MLLT3: variants seen among roughly 807,000 people sequenced by gnomAD.
The protein encoded by MLLT3 is MLLT3 super elongation complex subunit.
A neutral mutation model predicts 53.2 loss-of-function variants in MLLT3; 4 were observed. The observed-to-expected ratio is 0.08, with a 90% CI of 0.04 to 0.17. The LOEUF (loss-of-function observed/expected upper bound fraction) is 0.17, where lower values mean the gene tolerates loss of function less well. MLLT3 is among the 10% of genes least tolerant of loss of function. MLLT3 has a pLI of 1.00. For missense variants in MLLT3, 569 were observed against 684.0 expected (o/e 0.83, Z 1.87); for synonymous variants, 283 against 230.6 (o/e 1.23, Z -2.06).
chr9:20,597,527 G>A (rs925743305), intron 2 of MLLT3, among the ~76,000 whole-genome samples: 8 of 152,074 alleles, frequency 5.3e-5, no homozygotes, highest in African/African-American at 1.9e-4. Flanking sequence ...AGCCTCAGAA[G>A]ACCATCTACT....
intron 2 of MLLT3, among the ~76,000 whole-genome samples, chr9:20,614,015 T>C: frequency 6.6e-6 from 1 of 152,180 alleles, no homozygotes; most frequent in Middle Eastern, 3.2e-3. Context: ...CCATATACAA[T>C]GTCATACCAG....
chr9:20,460,987 T>G lies in MLLT3; in HGVS notation c.194-4201A>C, dbSNP rs1170547516. Among the ~76,000 whole-genome samples, 3 of 152,158 alleles carry G rather than the reference T, an allele frequency of 2.0e-5. No homozygotes were observed. In the South Asian group the frequency reaches 6.2e-4, roughly 31 times the overall value. Reference sequence around the variant, plus strand: ...GGCCAGAAGATCTCTAAGGCCATTTTGAAACTAATATTCAACAGCCGTAAA... The same window carrying G: ...GGCCAGAAGATCTCTAAGGCCATTTGGAAACTAATATTCAACAGCCGTAAA... On this transcript the variant is annotated intron_variant, in intron 2 of 10. Transcript: ENST00000380338.
chr9:20,565,321 T>G (rs1290792469), intron 2 of MLLT3, among the ~76,000 whole-genome samples: 1 of 151,774 alleles, frequency 6.6e-6, no homozygotes, highest in Non-Finnish European at 1.5e-5. Flanking sequence ...GGCTAAGGAG[T>G]TGGGAGGGAT....
At chr9:20,575,677 T>C (rs1302467453) in intron 2 of MLLT3, among the ~76,000 whole-genome samples, 1 of 152,188 alleles carries the variant, frequency 6.6e-6, no homozygotes, top group Non-Finnish European at 1.5e-5. Context: ...GAAATCTTTT[T>C]TTCTGAGCAG....
chr9:20,610,689 T>C (rs960308953), intron 2 of MLLT3, among the ~76,000 whole-genome samples: 1 of 152,148 alleles, frequency 6.6e-6, no homozygotes. Context: ...TGTGTAACTC[T>C]AATGCAACAC....
At chr9:20,577,911 G>C (rs566979729) in intron 2 of MLLT3, among the ~76,000 whole-genome samples, 1 of 152,138 alleles carries the variant, frequency 6.6e-6, no homozygotes, top group Non-Finnish European at 1.5e-5. Context: ...TATATTATTT[G>C]GGAATCATTC....
intron 2 of MLLT3, among the ~76,000 whole-genome samples, chr9:20,603,162 C>T (rs1313857056): frequency 6.6e-6 from 1 of 152,048 alleles, no homozygotes; most frequent in East Asian, 1.9e-4. Flanking sequence ...TTTTGGCAGT[C>T]TTCTATAATC....
chr9:20,573,253 C>A (rs1450679723), intron 2 of MLLT3, among the ~76,000 whole-genome samples: 1 of 149,802 alleles, frequency 6.7e-6, no homozygotes, highest in Non-Finnish European at 1.5e-5. Context: ...AATTACTGCT[C>A]ACTGCAACCT....
Position 20,363,500 on chromosome 9 carries a change from T to C in MLLT3, c.1307A>G (p.Asn436Ser). ...CCTGCGACTTCGGCTGCCTCCTCTA[T>C]TTACAGGCCTCTCCATTTCAGAGTC... ...DNDSEMERPV[N>S]RGGSRSRRVS... Residue 436 changes from asparagine to serine, a missense_variant, in exon 7 of 11, where the codon AAT becomes AGT. Physicochemically the swap from Asn to Ser is conservative, Grantham distance 46. Transcript: ENST00000380338. 1.9e-6 allele frequency: 3 copies of C among 1,614,032 alleles called. No individual in the cohort carries two copies. The highest frequency in any genetic ancestry group is 2.2e-5 in the South Asian group (2 of 91,054).
Position 20,533,690 on chromosome 9 carries a change from C to T in MLLT3, c.194-76904G>A, listed in dbSNP as rs527815662. Among the ~76,000 whole-genome samples the T allele has an allele frequency of 1.1e-4, 17 of 152,320 alleles. No homozygotes were observed. The East Asian group carries it at 2.3e-3, about 21-fold the overall frequency. ...ATCCACAGATGAATAAACTGTGATA[C>T]ATATAAGCAACAGAATATTATTCAG... On this transcript the variant is annotated intron_variant, in intron 2 of 10. Transcript: ENST00000380338.
At chr9:20,351,077 A>G (rs7870252) in intron 10 of MLLT3, among the ~76,000 whole-genome samples, 56,773 of 151,998 alleles carry the variant, frequency 0.37, 13,608 homozygotes, top group East Asian at 0.67. Context: ...TGGTTAAGGG[A>G]TAGGCCATCA....
chr9:20,532,078 A>T lies in MLLT3; in HGVS notation c.194-75292T>A, dbSNP rs549061479. Among the ~76,000 whole-genome samples the T allele has an allele frequency of 2.0e-5, 3 of 152,280 alleles. No individual in the cohort carries two copies. The South Asian group carries it at 6.2e-4, about 32-fold the overall frequency. ...CAAGTTGTTTTCACAGCTATGTTCC[A>T]TTACAGATTTGTTAACGGCCCCTAA... On this transcript the variant is annotated intron_variant, in intron 2 of 10. Coordinates refer to ENST00000380338, the MANE Select transcript of MLLT3 (RefSeq NM_004529.4).
At chr9:20,497,595 A>T (rs1164778852) in intron 2 of MLLT3, among the ~76,000 whole-genome samples, 1 of 152,170 alleles carries the variant, frequency 6.6e-6, no homozygotes, top group Non-Finnish European at 1.5e-5. Flanking sequence ...AATTATTTAA[A>T]TTACTTTGAG....
intron 2 of MLLT3, among the ~76,000 whole-genome samples, chr9:20,538,759 T>C (rs2026209): frequency 0.7 from 106,797 of 152,138 alleles, 37,750 homozygotes; most frequent in East Asian, 0.86. Flanking sequence ...AACACCAATG[T>C]TTTTTAAAAA....
intron 5 of MLLT3, among the ~76,000 whole-genome samples, chr9:20,386,021 GC>G (rs950587827): frequency 2.0e-5 from 3 of 152,136 alleles, no homozygotes; most frequent in African/African-American, 7.2e-5. Context: ...TGGTGAGACA[GC>G]CCTGTTGTCC....
rs1384909878 is a variant in MLLT3 at position 20,622,474 on chromosome 9, G to A, written c.-218C>T. ...AAAAGCAAAAGCAGCAGCAGCAGCA[G>A]CAGCTCCAGGGTAAAGAAGATGATT... is the stretch of plus-strand genomic sequence containing the variant. On this transcript the variant is annotated 5_prime_UTR_variant, in exon 1 of 11. Transcript: ENST00000380338. The A allele has an allele frequency of 1.7e-5, 9 of 540,404 alleles. No homozygotes were observed. The highest frequency in any genetic ancestry group is 5.1e-5 in the South Asian group (2 of 39,532). 33.5% of individuals were successfully genotyped at this position (540,404 alleles called of 1,614,324 possible). A position where few individuals can be genotyped will look rare whatever the true frequency, so the allele number is the denominator to read the frequency against.
intron 4 of MLLT3, among the ~76,000 whole-genome samples, chr9:20,437,418 A>G (rs568440474): frequency 2.5e-4 from 38 of 152,296 alleles, no homozygotes; most frequent in African/African-American, 7.5e-4. Flanking sequence ...AAGCCACAAA[A>G]ATATCTTCCA....
rs1587134420 is a variant in MLLT3, at chr9:20,345,648, G to A, written c.*795C>T. The A allele has an allele frequency of 4.7e-6, 1 of 212,742 alleles. No homozygotes were observed. Among genetic ancestry groups the A allele is most frequent in the Non-Finnish European group, 9.5e-6 (1 of 104,948 alleles). The allele number at this position is 212,742 out of a possible 1,614,324, so 13.2% of individuals were successfully genotyped here. On this transcript the variant is annotated 3_prime_UTR_variant, in exon 11 of 11. Coordinates refer to ENST00000380338, the MANE Select transcript of MLLT3 (RefSeq NM_004529.4). The stretch of plus-strand genomic sequence containing the variant: ...ACACTTTTGTTTAAAAGTCCTACAA[G>A]TTTATTGACTAAGGCTAGACAGCAA...
intron 2 of MLLT3, among the ~76,000 whole-genome samples, chr9:20,611,528 T>C (rs1208159837): frequency 1.3e-5 from 2 of 152,018 alleles, no homozygotes; most frequent in African/African-American, 2.4e-5. Flanking sequence ...TATTTTAAAA[T>C]AGAAAAAAAT....
Sources: gnomAD v4.1 joint callset for allele counts (sites outside exome capture counted in the v4.1 genomes callset) on GRCh38, gnomAD v4.1.1 for gene constraint, MANE v1.5 for transcripts, NCBI Gene and HGNC (gene_info 2026-07-23, HGNC 2026-07-21) for gene names.